The following TNS1 variants were observed in gnomAD, a reference collection of about 807,000 sequenced individuals.
The protein encoded by TNS1 is tensin 1.
A neutral mutation model predicts 168.6 loss-of-function variants in TNS1; 62 were observed. The observed-to-expected ratio is 0.37, with a 90% CI of 0.30 to 0.45. The LOEUF (loss-of-function observed/expected upper bound fraction) is 0.45, where lower values mean the gene tolerates loss of function less well. Among genes scored for constraint, TNS1 ranks in the 20% least tolerant of loss-of-function variants. TNS1 has a pLI of 1.00. For missense variants in TNS1, 2,240 were observed against 2,339.4 expected (o/e 0.96, Z 0.88); for synonymous variants, 934 against 933.2 (o/e 1.00, Z -0.02).
rs2125676768 is a variant in TNS1 at position 217,886,067 on chromosome 2, T to G, written c.1017A>C (p.Gln339His). 1 of 1,613,688 alleles carries G rather than the reference T, an allele frequency of 6.2e-7. No individual in the cohort carries two copies. The highest frequency in any genetic ancestry group is 1.3e-5 in the African/African-American group (1 of 74,852). ...ACTAGATGCCAGATGTGTACACAGG[T>G]TGCATGGCCTGGTAGATGCGGAGAA... ...RPFLRIYQAM[Q>H]PVYTSGIYNI... is the part of the protein sequence containing the mutation. Residue 339 changes from glutamine to histidine, a missense_variant, in exon 14 of 33, where the codon CAA becomes CAC. Physicochemically the swap from Gln to His is conservative, Grantham distance 24 (BLOSUM62 0). Coordinates refer to ENST00000682258, the MANE Select transcript of TNS1 (RefSeq NM_001387777.1).
chr2:217,937,382 C>A (rs541674430), intron 3 of TNS1, among the ~76,000 whole-genome samples: 1 of 152,162 alleles, frequency 6.6e-6, no homozygotes, highest in Non-Finnish European at 1.5e-5. Context: ...ACCCAAGGAG[C>A]CAACCCCTGG....
Position 217,847,530 on chromosome 2 carries a change from A to C in TNS1, c.2987T>G (p.Leu996Arg), listed in dbSNP as rs775925102. The C allele has an allele frequency of 2.7e-6, 4 of 1,469,838 alleles. No homozygotes were observed. Among genetic ancestry groups the C allele is most frequent in the Non-Finnish European group, 3.6e-6 (4 of 1,104,032 alleles). The allele number at this position is 1,469,838 out of a possible 1,614,324, so 91.0% of individuals were successfully genotyped here. The change falls in exon 19 of 33, where the codon CTG becomes CGG. Residue 996 changes from leucine to arginine, a missense_variant. Leu to Arg is a moderately radical substitution (Grantham distance 102). This residue lies in a region of TNS1 where 2,131 missense variants were observed against 2,171.2 expected (regional missense o/e 0.98). Transcript: ENST00000682258. ...PEEEPLNLEG[L>R]VAHRVAGVQA... ...CTTACCTGCTACCCTGTGGGCCACC[A>C]GCCCTTCTAAATTCAATGGCTCCTC... is the stretch of plus-strand genomic sequence containing the variant.
upstream of TNS1, among the ~76,000 whole-genome samples, chr2:218,014,958 G>T (rs1574481685): frequency 6.6e-6 from 1 of 151,804 alleles, no homozygotes; most frequent in East Asian, 1.9e-4. Context: ...GCAAGGCCAA[G>T]CCATTTCTGT....
At chr2:217,878,901 G>A (rs890820952) in intron 18 of TNS1, among the ~76,000 whole-genome samples, 9 of 152,156 alleles carry the variant, frequency 5.9e-5, no homozygotes, top group Non-Finnish European at 1.2e-4. Flanking sequence ...GGCCCTGGCC[G>A]CTTCTTCTGC....
chr2:217,955,077 C>T (rs771865542), intron 3 of TNS1, among the ~76,000 whole-genome samples: 5 of 152,208 alleles, frequency 3.3e-5, no homozygotes, highest in Non-Finnish European at 5.9e-5. Flanking sequence ...GACAGGTGTC[C>T]GCCATAGTCC....
intron 3 of TNS1, among the ~76,000 whole-genome samples, chr2:217,961,225 T>C (rs1957487788): frequency 7.8e-6 from 1 of 127,730 alleles, no homozygotes; most frequent in Non-Finnish European, 1.6e-5. Flanking sequence ...GGTGTCTCTC[T>C]CTCTCTCTCT....
chr2:218,033,321 G>A lies in TNS1; in HGVS notation c.156+499C>T, dbSNP rs965680778. ...CAGCTCCCCACTTGCTAGTCTCTGA[G>A]ACTTACCCAGCACAGAGAAGGCAGG... On this transcript the variant is annotated intron_variant, in intron 1 of 1. Coordinates refer to the TNS1 transcript ENST00000649572. This position sits in a 1 kb window ranked among gnomAD's most constrained non-coding sequence, Gnocchi z 4.3. 9.9e-5 allele frequency among the ~76,000 whole-genome samples: 15 copies of A among 152,094 alleles called. No individual in the cohort carries two copies. Among genetic ancestry groups the A allele is most frequent in the South Asian group, 4.2e-4 (2 of 4,808 alleles).
intron 3 of TNS1, among the ~76,000 whole-genome samples, chr2:217,928,281 C>T (rs1352844489): frequency 2.6e-5 from 4 of 152,230 alleles, no homozygotes; most frequent in African/African-American, 7.2e-5. Flanking sequence ...CCAGGCTGAG[C>T]CTCAGGCCCT....
chr2:217,993,256 G>A (rs1331138899), intron 1 of TNS1, among the ~76,000 whole-genome samples: 2 of 152,222 alleles, frequency 1.3e-5, no homozygotes, highest in Admixed American at 6.5e-5. Flanking sequence ...ACTCATGACT[G>A]TAACTGAATA....
At position 217,858,463 on chromosome 2, in the gene TNS1, G is replaced by A. The variant is rs1948427651; in HGVS notation, c.1430-9376C>T. 9 of 960,812 alleles carry A rather than the reference G, an allele frequency of 9.4e-6. No individual in the cohort carries two copies. In the South Asian group the frequency reaches 3.9e-4, roughly 41 times the overall value. 59.5% of individuals were successfully genotyped at this position (960,812 alleles called of 1,614,324 possible). ...AGAAAGCCACACAAGAACACTCACAGGCAAAACAACTGCCCAGCAGACACT... is the reference window on the plus strand; with the variant it reads ...AGAAAGCCACACAAGAACACTCACAAGCAAAACAACTGCCCAGCAGACACT... On this transcript the variant is annotated intron_variant, in intron 18 of 32. Transcript: ENST00000682258.
intron 31 of TNS1, 117 bp downstream of exon 31, chr2:217,808,486 G>A: frequency 2.9e-6 from 3 of 1,020,846 alleles, no homozygotes; most frequent in Admixed American, 3.9e-5. Flanking sequence ...CCTTCCAGCT[G>A]AATGGAGAAT....
At chr2:217,979,592 A>G (rs1957989150) in intron 2 of TNS1, among the ~76,000 whole-genome samples, 1 of 151,984 alleles carries the variant, frequency 6.6e-6, no homozygotes, top group Non-Finnish European at 1.5e-5. Flanking sequence ...GCTGGAATCA[A>G]ATTTCCTATA....
At chr2:217,894,527 C>T (rs536309035) in intron 9 of TNS1, among the ~76,000 whole-genome samples, 174 of 152,220 alleles carry the variant, frequency 1.1e-3, no homozygotes, top group African/African-American at 3.7e-3. Flanking sequence ...CATGGTAGCA[C>T]GTGCCTGTAG....
At chr2:217,904,102 C>T (rs141690866) in intron 6 of TNS1, among the ~76,000 whole-genome samples, 12 of 152,306 alleles carry the variant, frequency 7.9e-5, no homozygotes, top group African/African-American at 2.4e-4. Flanking sequence ...GTCAGGGGCC[C>T]GGCCCCATTC....
intron 1 of TNS1, among the ~76,000 whole-genome samples, chr2:218,022,922 C>A (rs774091195): frequency 1.3e-5 from 2 of 152,096 alleles, no homozygotes; most frequent in African/African-American, 2.4e-5. Flanking sequence ...GGAGAGGGAG[C>A]TGGGCTTCCT....
At chr2:218,023,888 C>A (rs565332834) in intron 1 of TNS1, among the ~76,000 whole-genome samples, 1 of 152,140 alleles carries the variant, frequency 6.6e-6, no homozygotes, top group South Asian at 2.1e-4. Flanking sequence ...GAAACAGCCC[C>A]CTCCCCCTAC....
intron 24 of TNS1, among the ~76,000 whole-genome samples, chr2:217,815,649 C>T (rs1427925684): frequency 6.6e-6 from 1 of 152,202 alleles, no homozygotes; most frequent in Non-Finnish European, 1.5e-5. Context: ...CTTCCTCCAC[C>T]CCGTGTCCCC....
chr2:217,952,318 C>T (rs984468511), intron 3 of TNS1, among the ~76,000 whole-genome samples: 1 of 152,172 alleles, frequency 6.6e-6, no homozygotes, highest in Non-Finnish European at 1.5e-5. Context: ...AGCCACTTGT[C>T]CAAAGTCAAT....
chr2:217,889,541 G>C (rs1951540489), intron 12 of TNS1, among the ~76,000 whole-genome samples: 1 of 152,170 alleles, frequency 6.6e-6, no homozygotes, highest in Non-Finnish European at 1.5e-5. Context: ...CGTTCACTTG[G>C]AGGCTTCCTT....
Sources: gnomAD v4.1 joint callset for allele counts (sites outside exome capture counted in the v4.1 genomes callset) on GRCh38, gnomAD v4.1.1 for gene constraint, gnomAD v4.1.1 regional missense constraint, Gnocchi (gnomAD v3.1) non-coding constraint, MANE v1.5 for transcripts, NCBI Gene and HGNC (gene_info 2026-07-23, HGNC 2026-07-21) for gene names.